The following AUTS2 variants were observed in gnomAD, a reference collection of about 807,000 sequenced individuals.
The protein encoded by AUTS2 is autism susceptibility gene 2 protein.
Under a neutral mutation model 112.4 loss-of-function variants are expected in AUTS2, and 17 were observed. The ratio of observed to expected loss-of-function variants is 0.15; its 90% CI spans 0.10 to 0.23. The LOEUF is 0.23. AUTS2 is among the 10% of genes least tolerant of loss of function. The probability of loss-of-function intolerance (pLI) is 1.00; values close to 1 mark genes in which losing one functional copy is unlikely to be tolerated. For missense variants in AUTS2, 1,510 were observed against 1,701.6 expected (o/e 0.89, Z 1.98); for synonymous variants, 751 against 702.7 (o/e 1.07, Z -1.09).
At chr7:70,259,843 G>T (rs975827329) in intron 4 of AUTS2, among the ~76,000 whole-genome samples, 5 of 152,214 alleles carry the variant, frequency 3.3e-5, no homozygotes, top group African/African-American at 4.8e-5. Context: ...TAGTGGGGTA[G>T]ATAGGAGCCA....
At chr7:69,956,759 C>T (rs868036424) in intron 2 of AUTS2, among the ~76,000 whole-genome samples, 1 of 152,170 alleles carries the variant, frequency 6.6e-6, no homozygotes, top group Non-Finnish European at 1.5e-5. Flanking sequence ...TAAAGTGGCA[C>T]ACTCCTTCAG....
intron 1 of AUTS2, among the ~76,000 whole-genome samples, chr7:69,882,527 G>A (rs1362529006): frequency 4.6e-5 from 7 of 152,130 alleles, no homozygotes; most frequent in Non-Finnish European, 1.0e-4. Flanking sequence ...CTAGAGCCAC[G>A]CAGGTCTGTG....
intron 6 of AUTS2, among the ~76,000 whole-genome samples, chr7:70,738,062 A>G (rs1787872020): frequency 6.6e-6 from 1 of 152,216 alleles, no homozygotes; most frequent in Non-Finnish European, 1.5e-5. Context: ...GAAAACTGAC[A>G]TGAGGAGGTA....
chr7:70,692,649 C>T (rs1188440800), intron 5 of AUTS2, among the ~76,000 whole-genome samples: 1 of 152,106 alleles, frequency 6.6e-6, no homozygotes, highest in East Asian at 1.9e-4. Flanking sequence ...TATAACACCA[C>T]ATTGTGCTAC....
intron 4 of AUTS2, among the ~76,000 whole-genome samples, chr7:70,227,128 C>T (rs558491439): frequency 6.6e-5 from 10 of 151,924 alleles, no homozygotes; most frequent in South Asian, 4.1e-4. Flanking sequence ...TCTGAAGACC[C>T]GGGTAATACA....
chr7:69,800,763 C>A (rs1377222084), intron 1 of AUTS2, among the ~76,000 whole-genome samples: 1 of 152,128 alleles, frequency 6.6e-6, no homozygotes, highest in Non-Finnish European at 1.5e-5. Flanking sequence ...CCCTGCCCAC[C>A]TCTCCAGGGT....
At chr7:69,956,811 A>G (rs1797229545) in intron 2 of AUTS2, among the ~76,000 whole-genome samples, 1 of 152,092 alleles carries the variant, frequency 6.6e-6, no homozygotes, top group Admixed American at 6.6e-5. Flanking sequence ...TGGCTCATAA[A>G]GCATGTTAGT....
intron 1 of AUTS2, among the ~76,000 whole-genome samples, chr7:69,898,711 G>C (rs576757239): frequency 6.6e-6 from 1 of 152,082 alleles, no homozygotes; most frequent in Admixed American, 6.6e-5. Flanking sequence ...TGATAATATT[G>C]TTGTTACATT....
Position 69,623,381 on chromosome 7 carries a change from ATTTTTTT to A in AUTS2, c.309+23438_309+23444del, listed in dbSNP as rs56204810. On this transcript the variant is annotated intron_variant, in intron 1 of 18. Transcript: ENST00000342771. ...GGGACTACCACCACCACGCCCAGCA[ATTTTTTT>A]TTTTTTTTTTTTTTTTTTGCAGGGG... is the stretch of plus-strand genomic sequence containing the variant. 6.5e-4 allele frequency among the ~76,000 whole-genome samples: 47 copies of A among 71,942 alleles called. 1 individual carries two copies. The highest frequency in any genetic ancestry group is 1.6e-3 in the African/African-American group (30 of 18,350). 47.2% of individuals were successfully genotyped at this position (71,942 alleles called of 152,430 possible).
At chr7:69,628,682 G>A (rs1291911681) in intron 1 of AUTS2, among the ~76,000 whole-genome samples, 2 of 152,142 alleles carry the variant, frequency 1.3e-5, no homozygotes, top group Admixed American at 6.5e-5. Flanking sequence ...GAAAGGGAGA[G>A]GGGGAGATGC....
At chr7:70,180,624 C>G (rs548604749) in intron 4 of AUTS2, among the ~76,000 whole-genome samples, 1 of 152,286 alleles carries the variant, frequency 6.6e-6, no homozygotes, top group South Asian at 2.1e-4. Context: ...CTCCTCATCT[C>G]TGGTTCTCTC....
chr7:69,699,121 CTA>C (rs1424034974), intron 1 of AUTS2, among the ~76,000 whole-genome samples: 1 of 152,048 alleles, frequency 6.6e-6, no homozygotes, highest in African/African-American at 2.4e-5. Flanking sequence ...AATAATATAA[CTA>C]TGTAGAGTTA....
rs773568699 is a variant in AUTS2 at position 70,790,710 on chromosome 7, C to T, written c.3494C>T (p.Thr1165Met). 3.1e-6 allele frequency: 5 copies of T among 1,613,524 alleles called. No homozygotes were observed. The highest frequency in any genetic ancestry group is 1.7e-5 in the Admixed American group (1 of 60,002). The change falls in exon 19 of 19, where the codon ACG (threonine) becomes ATG (methionine). Residue 1165 changes from threonine (T) to methionine (M), a missense_variant. Thr to Met is a moderately conservative substitution (Grantham distance 81). Coordinates refer to ENST00000342771, the MANE Select transcript of AUTS2 (RefSeq NM_015570.4). This position sits in a 1 kb window ranked among gnomAD's most constrained non-coding sequence, Gnocchi z 7.6. ...ATGCTCAGAGAAGACTACGAGCACA[C>T]GCGGCTCCACTCCGTGCACCCCGCC... ...LHMLREDYEH[T>M]RLHSVHPASL...
chr7:69,819,731 T>A (rs1790904191), intron 1 of AUTS2, among the ~76,000 whole-genome samples: 2 of 152,220 alleles, frequency 1.3e-5, no homozygotes, highest in Non-Finnish European at 2.9e-5. Context: ...GATCTTCCTG[T>A]GTCAGCTTCC....
chr7:69,996,980 A>C (rs1798976143), intron 2 of AUTS2, among the ~76,000 whole-genome samples: 1 of 148,298 alleles, frequency 6.7e-6, no homozygotes, highest in Non-Finnish European at 1.5e-5. Flanking sequence ...CTCCAGGCTC[A>C]ATCCCAGATG....
chr7:69,871,681 G>A (rs1006321686), intron 1 of AUTS2, among the ~76,000 whole-genome samples: 2 of 152,192 alleles, frequency 1.3e-5, no homozygotes, highest in Non-Finnish European at 2.9e-5. Flanking sequence ...CGGCTACTAA[G>A]TGACTAATGG....
At chr7:70,740,551 T>C (rs553331145) in intron 6 of AUTS2, among the ~76,000 whole-genome samples, 52 of 152,302 alleles carry the variant, frequency 3.4e-4, no homozygotes, top group African/African-American at 1.2e-3. Context: ...TGACAGCTCA[T>C]AGTAAGTGCT....
chr7:69,643,940 C>T (rs1194259310), intron 1 of AUTS2, among the ~76,000 whole-genome samples: 1 of 152,112 alleles, frequency 6.6e-6, no homozygotes, highest in African/African-American at 2.4e-5. Context: ...GAGACCCTGT[C>T]TGTAAATAAA....
chr7:70,678,180 G>A (rs1412552691), intron 5 of AUTS2, among the ~76,000 whole-genome samples: 1 of 152,122 alleles, frequency 6.6e-6, no homozygotes, highest in East Asian at 1.9e-4. Context: ...AGTTTCCTAA[G>A]GGCAGATAAC....
Sources: gnomAD v4.1 joint callset for allele counts (sites outside exome capture counted in the v4.1 genomes callset) on GRCh38, gnomAD v4.1.1 for gene constraint, Gnocchi (gnomAD v3.1) non-coding constraint, MANE v1.5 for transcripts, NCBI Gene and HGNC (gene_info 2026-07-23, HGNC 2026-07-21) for gene names.